TRPM3: variants seen among roughly 807,000 people sequenced by gnomAD.
The protein encoded by TRPM3 is long transient receptor potential channel 3.
A neutral mutation model predicts 181.2 loss-of-function variants in TRPM3; 77 were observed. The ratio of observed to expected loss-of-function variants is 0.42; its 90% CI spans 0.35 to 0.51. TRPM3 has a LOEUF of 0.51. Among genes scored for constraint, TRPM3 ranks in the 20% least tolerant of loss-of-function variants. TRPM3 has a pLI of 0.01. For missense variants in TRPM3, 1,759 were observed against 2,196.7 expected (o/e 0.80, Z 3.98); for synonymous variants, 745 against 796.4 (o/e 0.94, Z 1.09).
At chr9:71,446,763 G>C (rs965770452) in exon 1 of TRPM3, 4 of 1,550,376 alleles carry the variant, frequency 2.6e-6, no homozygotes, top group Non-Finnish European at 3.5e-6. Context: ...CTGCGTCTGC[G>C]GCTCTCCGCG....
intron 1 of TRPM3, among the ~76,000 whole-genome samples, chr9:70,884,908 G>C (rs555654123): frequency 2.0e-5 from 3 of 152,238 alleles, no homozygotes; most frequent in Admixed American, 2.0e-4. Flanking sequence ...TGTAGGTGAA[G>C]GTGAGTCTCC....
At chr9:70,687,413 T>C (rs2067258304) in intron 8 of TRPM3, among the ~76,000 whole-genome samples, 1 of 152,362 alleles carries the variant, frequency 6.6e-6, no homozygotes, top group South Asian at 2.1e-4. Flanking sequence ...ATTTATTTAC[T>C]ATAAAATTGG....
chr9:71,351,648 A>G (rs1014511162), intron 1 of TRPM3, among the ~76,000 whole-genome samples: 2 of 152,198 alleles, frequency 1.3e-5, no homozygotes, highest in Non-Finnish European at 2.9e-5. Flanking sequence ...ATAATGGACA[A>G]AAAATGTTGT....
intron 11 of TRPM3, among the ~76,000 whole-genome samples, chr9:70,637,862 G>A (rs1368201815): frequency 6.6e-6 from 1 of 152,046 alleles, no homozygotes; most frequent in Non-Finnish European, 1.5e-5. Context: ...CCTCTGCTAT[G>A]GTTTGAATGT....
At chr9:70,915,529 T>C (rs1208328993) in intron 1 of TRPM3, among the ~76,000 whole-genome samples, 4 of 151,440 alleles carry the variant, frequency 2.6e-5, no homozygotes, top group Admixed American at 6.6e-5. Context: ...ATGGTCTTGA[T>C]CTCCTGACTT....
intron 22 of TRPM3, among the ~76,000 whole-genome samples, chr9:70,565,319 G>C (rs1383371579): frequency 6.6e-6 from 1 of 151,972 alleles, no homozygotes; most frequent in Non-Finnish European, 1.5e-5. Flanking sequence ...TTGAGACAGA[G>C]TTTTGCTCTT....
intron 1 of TRPM3, among the ~76,000 whole-genome samples, chr9:70,971,444 T>A (rs1251766917): frequency 6.6e-6 from 1 of 152,116 alleles, no homozygotes; most frequent in African/African-American, 2.4e-5. Context: ...TATTCACCGC[T>A]AGGAACACTC....
chr9:71,053,017 C>T (rs2060230448), intron 1 of TRPM3, among the ~76,000 whole-genome samples: 1 of 132,834 alleles, frequency 7.5e-6, no homozygotes, highest in Non-Finnish European at 1.5e-5. Context: ...CTCAGTAACT[C>T]TTTTGTCACC....
At chr9:70,607,472 C>T (rs1415349837) in intron 19 of TRPM3, among the ~76,000 whole-genome samples, 1 of 152,194 alleles carries the variant, frequency 6.6e-6, no homozygotes, top group African/African-American at 2.4e-5. Context: ...GGGATCCAGT[C>T]TGATGGGTTT....
intron 6 of TRPM3, among the ~76,000 whole-genome samples, chr9:70,819,633 A>C (rs1215175422): frequency 6.6e-6 from 1 of 152,224 alleles, no homozygotes; most frequent in Non-Finnish European, 1.5e-5. Context: ...AAACCTACCC[A>C]GACACTCCAT....
intron 1 of TRPM3, among the ~76,000 whole-genome samples, chr9:71,166,839 G>C (rs1302688910): frequency 6.6e-6 from 1 of 152,118 alleles, no homozygotes; most frequent in East Asian, 1.9e-4. Flanking sequence ...TTAGAAATAA[G>C]AGTGACAAAG....
intron 1 of TRPM3, among the ~76,000 whole-genome samples, chr9:71,413,206 C>T (rs928147784): frequency 2.0e-5 from 3 of 152,024 alleles, no homozygotes; most frequent in Admixed American, 2.0e-4. Flanking sequence ...TGTAACAAAC[C>T]TGCATGTTGT....
At chr9:70,803,064 G>C (rs1037299235) in intron 6 of TRPM3, among the ~76,000 whole-genome samples, 1 of 92,260 alleles carries the variant, frequency 1.1e-5, no homozygotes, top group Non-Finnish European at 2.4e-5. Flanking sequence ...AAAAAACAAA[G>C]GCCCAACTCC....
intron 1 of TRPM3, among the ~76,000 whole-genome samples, chr9:71,318,874 T>G (rs1406605442): frequency 6.6e-6 from 1 of 152,114 alleles, no homozygotes; most frequent in Non-Finnish European, 1.5e-5. Flanking sequence ...ACATTTGCAT[T>G]GCCCCCTAAA....
intron 1 of TRPM3, among the ~76,000 whole-genome samples, chr9:71,079,227 A>G (rs796217280): frequency 3.2e-4 from 49 of 152,338 alleles, no homozygotes; most frequent in African/African-American, 1.2e-3. Flanking sequence ...CCACTAGAGT[A>G]ATGCACAAGA....
intron 3 of TRPM3, among the ~76,000 whole-genome samples, chr9:70,852,147 AAAAAAAAAGAGAG>A (rs2095254295): frequency 6.6e-6 from 1 of 150,396 alleles, no homozygotes; most frequent in Non-Finnish European, 1.5e-5. Flanking sequence ...AAAAAAAAAA[AAAAAAAAAGAGAG>A]AAAAAAAATC....
intron 1 of TRPM3, among the ~76,000 whole-genome samples, chr9:71,153,383 T>C (rs2075833378): frequency 6.6e-6 from 1 of 151,084 alleles, no homozygotes; most frequent in Non-Finnish European, 1.5e-5. Context: ...CCTAGCCTCC[T>C]GGGTTCAAGC....
At chr9:70,542,539 T>G (rs1397176909) in intron 25 of TRPM3, among the ~76,000 whole-genome samples, 1 of 152,196 alleles carries the variant, frequency 6.6e-6, no homozygotes, top group African/African-American at 2.4e-5. Flanking sequence ...ATGACTAGCT[T>G]CTTCAGCCAG....
chr9:71,295,511 T>C (rs530627786), intron 1 of TRPM3, among the ~76,000 whole-genome samples: 1 of 151,506 alleles, frequency 6.6e-6, no homozygotes, highest in East Asian at 1.9e-4. Context: ...TCTTATAAAG[T>C]ATGAACATGT....
Sources: gnomAD v4.1 joint callset for allele counts (sites outside exome capture counted in the v4.1 genomes callset) on GRCh38, gnomAD v4.1.1 for gene constraint, MANE v1.5 for transcripts, NCBI Gene and HGNC (gene_info 2026-07-23, HGNC 2026-07-21) for gene names.